GCFC2: variants seen among roughly 807,000 people sequenced by gnomAD.
GCFC2 encodes the protein GC-rich sequence DNA-binding factor 2.
GCFC2 carries 102 observed loss-of-function variants against 99.4 expected under a neutral mutation model. The observed-to-expected ratio is 1.03, with a 90% CI of 0.87 to 1.21. The LOEUF (loss-of-function observed/expected upper bound fraction) is 1.21. GCFC2 is among the 50% of genes most tolerant of loss of function. The probability of loss-of-function intolerance (pLI) is 0.00; values close to 1 mark genes in which losing one functional copy is unlikely to be tolerated. For missense variants in GCFC2, 973 were observed against 920.9 expected (o/e 1.06, Z -0.73); for synonymous variants, 338 against 316.8 (o/e 1.07, Z -0.71).
Position 75,664,501 on chromosome 2 carries a change from TGCC to T in GCFC2, c.*162_*164del. On this transcript the variant is annotated 3_prime_UTR_variant, in exon 17 of 17. Transcript: ENST00000321027. ...ACAGAATCATGGCAGCTTTTCATGA[TGCC>T]AGAAGGTAAAGCACGGGGGAATACA... 1 of 429,214 alleles carries T rather than the reference TGCC, an allele frequency of 2.3e-6. No homozygotes were observed. Among genetic ancestry groups the T allele is most frequent in the Non-Finnish European group, 4.1e-6 (1 of 241,866 alleles). The allele number at this position is 429,214 out of a possible 1,614,324, so 26.6% of individuals were successfully genotyped here.
chr2:75,710,985 T>C (rs1681159588), upstream of GCFC2: 2 of 1,365,228 alleles, frequency 1.5e-6, no homozygotes, highest in Admixed American at 7.9e-5. Context: ...GCCTGCCTTC[T>C]GCTCACCGCT....
At chr2:75,705,365 T>A (rs551655656) in intron 2 of GCFC2, among the ~76,000 whole-genome samples, 1 of 152,056 alleles carries the variant, frequency 6.6e-6, no homozygotes, top group African/African-American at 2.4e-5. Flanking sequence ...GGCTCACGTC[T>A]GTAATCCCAG....
chr2:75,710,562 T>TC, intron 1 of GCFC2, 29 bp downstream of exon 1: 1 of 1,474,768 alleles, frequency 6.8e-7, no homozygotes, highest in Non-Finnish European at 8.9e-7. Context: ...TGCCGTCACC[T>TC]CCCCGCTTCC....
chr2:75,700,863 C>G (rs1263854256), intron 4 of GCFC2, among the ~76,000 whole-genome samples: 1 of 152,042 alleles, frequency 6.6e-6, no homozygotes, highest in East Asian at 1.9e-4. Flanking sequence ...AGGCCCTAAA[C>G]CCAATGACAA....
In GCFC2 at chr2:75,698,598, T is replaced by A. The variant is rs576330315; in HGVS notation, c.718-2283A>T. Among the ~76,000 whole-genome samples the A allele has an allele frequency of 2.6e-5, 4 of 152,332 alleles. No homozygotes were observed. In the South Asian group the frequency reaches 8.3e-4, roughly 32 times the overall value. On this transcript the variant is annotated intron_variant, in intron 4 of 16. Coordinates refer to ENST00000321027, the MANE Select transcript of GCFC2 (RefSeq NM_003203.5). ...TGCATATTGTGGTTCCTAAACTGTGTGCAAAGGCATCCTAGCAAATTTAAA... is the reference window on the plus strand; with the variant it reads ...TGCATATTGTGGTTCCTAAACTGTGAGCAAAGGCATCCTAGCAAATTTAAA...
At chr2:75,700,128 C>G (rs1680516808) in intron 4 of GCFC2, among the ~76,000 whole-genome samples, 1 of 152,000 alleles carries the variant, frequency 6.6e-6, no homozygotes, top group Non-Finnish European at 1.5e-5. Flanking sequence ...CTTCTTTGTA[C>G]TCAAGTGATC....
At chr2:75,682,916 C>G (rs1679642123) in intron 11 of GCFC2, among the ~76,000 whole-genome samples, 1 of 151,732 alleles carries the variant, frequency 6.6e-6, no homozygotes. Context: ...AAGAAACAAA[C>G]AAAGCCTCCA....
chr2:75,712,588 A>G (rs186905249), upstream of GCFC2, among the ~76,000 whole-genome samples: 128 of 152,280 alleles, frequency 8.4e-4, 3 homozygotes, highest in Admixed American at 8.3e-3. Context: ...GTCCCCTTCC[A>G]CAGTGTGGAA....
chr2:75,698,278 C>T (rs1008368101), intron 4 of GCFC2, among the ~76,000 whole-genome samples: 4 of 151,898 alleles, frequency 2.6e-5, no homozygotes, highest in African/African-American at 9.7e-5. Flanking sequence ...ATGTTCATCT[C>T]GATTAGTAAT....
chr2:75,685,353 C>T (rs903476495), intron 11 of GCFC2, among the ~76,000 whole-genome samples: 2 of 152,170 alleles, frequency 1.3e-5, no homozygotes, highest in Non-Finnish European at 2.9e-5. Flanking sequence ...CTTGCTTTCC[C>T]TTTAATTAGG....
chr2:75,695,489 A>G (rs1172349280), intron 5 of GCFC2, among the ~76,000 whole-genome samples: 1 of 152,222 alleles, frequency 6.6e-6, no homozygotes, highest in East Asian at 1.9e-4. Flanking sequence ...ATTAAATAGA[A>G]AAGTAGAATT....
Position 75,682,106 on chromosome 2 carries a change from C to G in GCFC2, c.1691-1792G>C, listed in dbSNP as rs139884096. On this transcript the variant is annotated intron_variant, in intron 11 of 16. Transcript: ENST00000321027. ...TGTTCGAGCTCTGCTAAGGGACACA[C>G]TGCCTCCTCAAGTGGGTCCCTGACC... is the stretch of plus-strand genomic sequence containing the variant. Among the ~76,000 whole-genome samples the G allele has an allele frequency of 3.8e-3, 572 of 152,048 alleles. 19 individuals carry two copies. The highest frequency in any genetic ancestry group is 0.013 in the African/African-American group (551 of 41,294).
At position 75,710,804 on chromosome 2, in the gene GCFC2, C is replaced by G; in HGVS notation, c.52G>C (p.Asp18His). 2 of 1,578,838 alleles carry G rather than the reference C, an allele frequency of 1.3e-6. No homozygotes were observed. The highest frequency in any genetic ancestry group is 1.4e-5 in the African/African-American group (1 of 71,522). Residue 18 changes from aspartate to histidine, a missense_variant, in exon 1 of 17, where the codon GAC becomes CAC. Transcript: ENST00000321027. The part of the protein sequence containing the change: ...TFRQRAADSS[D>H]SDGAEESPAE... ...GGCGACTCCTCGGCGCCATCGCTGT[C>G]GCTGGAATCAGCCGCGCGCTGCCGA...
At chr2:75,688,013 T>C (rs1679897262) in intron 10 of GCFC2, 36 bp from the exon 11 acceptor site, 2 of 1,279,808 alleles carry the variant, frequency 1.6e-6, no homozygotes, top group African/African-American at 3.0e-5. Context: ...TAAAGAAATC[T>C]TTCAACATTA....
In GCFC2 at chr2:75,687,918, A is replaced by C. The variant is rs1228332356; in HGVS notation, c.1599T>G (p.Asp533Glu). The change falls in exon 11 of 17, where the codon GAT becomes GAG. Residue 533 changes from aspartate (D) to glutamate (E), a missense_variant. Physicochemically the swap from Asp to Glu is conservative, Grantham distance 45. Coordinates refer to ENST00000321027, the MANE Select transcript of GCFC2 (RefSeq NM_003203.5). ...PWFKSVEEFMDSSVEDSKKES... is the reference protein window; with the variant it reads ...PWFKSVEEFMESSVEDSKKES... ...CCTTCTTTGAATCTTCCACACTGCTATCCATAAATTCTTCTACAGATTTGA... is the reference window on the plus strand; with the variant it reads ...CCTTCTTTGAATCTTCCACACTGCTCTCCATAAATTCTTCTACAGATTTGA... 1.3e-6 allele frequency: 2 copies of C among 1,598,262 alleles called. No homozygotes were observed. Among genetic ancestry groups the C allele is most frequent in the East Asian group, 2.2e-5 (1 of 44,736 alleles).
intron 14 of GCFC2, among the ~76,000 whole-genome samples, chr2:75,671,425 T>C (rs1679085510): frequency 6.6e-6 from 1 of 152,244 alleles, no homozygotes; most frequent in South Asian, 2.1e-4. Flanking sequence ...TTGTCCCACA[T>C]ATATCTTCAT....
intron 2 of GCFC2, among the ~76,000 whole-genome samples, chr2:75,705,152 G>A (rs1038216647): frequency 1.3e-4 from 20 of 152,112 alleles, no homozygotes; most frequent in African/African-American, 4.1e-4. Flanking sequence ...CCAAACCACA[G>A]AAAATTTTAC....
chr2:75,668,220 T>C (rs1678934004), intron 15 of GCFC2, among the ~76,000 whole-genome samples: 1 of 152,156 alleles, frequency 6.6e-6, no homozygotes, highest in South Asian at 2.1e-4. Flanking sequence ...TCCAAGACTT[T>C]AGAGAAAGCT....
At position 75,706,599 on chromosome 2, in the gene GCFC2, G is replaced by A. The variant is rs1248452433; in HGVS notation, c.318C>T (p.Ser106=). The A allele has an allele frequency of 1.3e-6, 2 of 1,594,394 alleles. No homozygotes were observed. Among genetic ancestry groups the A allele is most frequent in the Admixed American group, 1.7e-5 (1 of 59,998 alleles). The change falls in exon 2 of 17, where the codon TCC becomes TCT. Residue 106 remains serine, a synonymous_variant. Coordinates refer to ENST00000321027, the MANE Select transcript of GCFC2 (RefSeq NM_003203.5). ...AACCCTGATCATCCTTACTTTCTGA[G>A]GAGTGATGTATTTTATCCTCTTCAT... ...STDEEDKIHH[S]SESKDDQGLS... is the part of the protein sequence containing the mutation.
Sources: allele counts gnomAD v4.1 joint callset (sites outside exome capture counted in the v4.1 genomes callset), GRCh38; gene constraint gnomAD v4.1.1; transcripts MANE v1.5; gene names NCBI Gene and HGNC (gene_info 2026-07-23, HGNC 2026-07-21).